Variants in WDR33 observed in about 807,000 individuals in gnomAD.
WDR33 encodes pre-mRNA 3' end processing protein WDR33.
In WDR33, 47 loss-of-function variants were observed where a neutral mutation model predicts 164.9. The ratio of observed to expected loss-of-function variants is 0.29; its 90% CI spans 0.23 to 0.36. The LOEUF (loss-of-function observed/expected upper bound fraction) is 0.36. Ranked by LOEUF, WDR33 falls within the 10% of genes least tolerant of loss-of-function variation. The pLI is 1.00. For synonymous variants in WDR33, 505 were observed against 589.0 expected (o/e 0.86, Z 2.06); for missense variants, 1,137 against 1,754.1 (o/e 0.65, Z 6.28).
Position 127,763,570 on chromosome 2 carries a change from T to C in WDR33, c.627-411A>G. 9.9e-7 allele frequency: 1 copy of C among 1,007,264 alleles called. No individual in the cohort carries two copies. Among genetic ancestry groups the C allele is most frequent in the African/African-American group, 1.7e-5 (1 of 57,816 alleles). The allele number at this position is 1,007,264 out of a possible 1,614,324, so 62.4% of individuals were successfully genotyped here. ...CCCAAAATTATCATCAGCTTCTGCC[T>C]CAGACACTTCATGAAATAAGCTGAA... On this transcript the variant is annotated intron_variant, in intron 6 of 21. Coordinates refer to ENST00000322313, the MANE Select transcript of WDR33 (RefSeq NM_018383.5). The surrounding 1 kb of genome is among the most constrained non-coding windows in gnomAD (Gnocchi z 4.5).
chr2:127,719,343 A>G lies in WDR33; in HGVS notation c.2682T>C (p.His894=), dbSNP rs1686371345. 6.6e-7 allele frequency: 1 copy of G among 1,508,048 alleles called. No individual in the cohort carries two copies. The highest frequency in any genetic ancestry group is 8.9e-7 in the Non-Finnish European group (1 of 1,129,536). 93.4% of individuals were successfully genotyped at this position (1,508,048 alleles called of 1,614,324 possible). The change falls in exon 16 of 22, where the codon CAT becomes CAC. Residue 894 remains histidine (H), a synonymous_variant. Transcript: ENST00000322313. This position sits in a 1 kb window ranked among gnomAD's most constrained non-coding sequence, Gnocchi z 6.5. ...GGAATGGTATTGGCCCTTGAGATGG[A>G]TGTGGCCCTCTTGCTGGGTTCTGCT... ...QGQQNPARGP[H]PSQGPIPFQQ... is the part of the protein sequence containing the mutation.
chr2:127,756,894 G>A (rs1227145176), intron 7 of WDR33, among the ~76,000 whole-genome samples: 1 of 151,950 alleles, frequency 6.6e-6, no homozygotes, highest in Non-Finnish European at 1.5e-5. Context: ...TGTCCAACAT[G>A]GTGAAAGCCC....
In WDR33 at chr2:127,723,193, C is replaced by G. The variant is rs1686483820; in HGVS notation, c.1291+60G>C. On this transcript the variant is annotated intron_variant, in intron 12 of 21. Transcript: ENST00000322313. The surrounding 1 kb of genome is among the most constrained non-coding windows in gnomAD (Gnocchi z 5.9). ...TCATTTTGTATAATCTTCCCAACAT[C>G]TAACACTTCTGTAATAGAATACCAG... 6.6e-7 allele frequency: 1 copy of G among 1,517,226 alleles called. No homozygotes were observed. 94.0% of individuals were successfully genotyped at this position (1,517,226 alleles called of 1,614,324 possible). A position where few individuals can be genotyped will look rare whatever the true frequency, so the allele number is the denominator to read the frequency against.
chr2:127,713,565 A>G lies in WDR33; in HGVS notation c.3308+18T>C, dbSNP rs369208753. The G allele has an allele frequency of 6.2e-6, 10 of 1,612,836 alleles. No homozygotes were observed. In the African/African-American group the frequency reaches 1.3e-4, roughly 22 times the overall value. On this transcript the variant is annotated intron_variant, in intron 18 of 21. Coordinates refer to ENST00000322313, the MANE Select transcript of WDR33 (RefSeq NM_018383.5). The surrounding 1 kb of genome is among the most constrained non-coding windows in gnomAD (Gnocchi z 6.2). Reference sequence around the variant, plus strand: ...GCTCCACTGAAGATGGAATGGGCCCACAAAGTATCTGTCCCACCTTTCTTC... The same window carrying G: ...GCTCCACTGAAGATGGAATGGGCCCGCAAAGTATCTGTCCCACCTTTCTTC...
At chr2:127,749,615 T>C (rs199700292) in intron 7 of WDR33, among the ~76,000 whole-genome samples, 2 of 150,078 alleles carry the variant, frequency 1.3e-5, no homozygotes, top group Non-Finnish European at 3.0e-5. Flanking sequence ...TGAGCTGAGA[T>C]TGTGCCACTA....
chr2:127,790,208 G>A (rs550221437), intron 1 of WDR33, among the ~76,000 whole-genome samples: 1 of 152,134 alleles, frequency 6.6e-6, no homozygotes, highest in Non-Finnish European at 1.5e-5. Context: ...ATGATCATAT[G>A]GTTTTCCTTA....
chr2:127,809,245 G>A (rs1689552028), intron 1 of WDR33, among the ~76,000 whole-genome samples: 2 of 151,874 alleles, frequency 1.3e-5, no homozygotes, highest in Admixed American at 6.6e-5. Context: ...AGAGAGCTCT[G>A]AATAAATACC....
intron 1 of WDR33, among the ~76,000 whole-genome samples, chr2:127,798,440 C>G (rs1033335898): frequency 4.7e-5 from 7 of 148,042 alleles, no homozygotes; most frequent in Non-Finnish European, 7.5e-5. Flanking sequence ...CAATCATTCC[C>G]AAAGGAACAA....
At chr2:127,766,509 T>G (rs979022233) in intron 4 of WDR33, among the ~76,000 whole-genome samples, 2 of 152,176 alleles carry the variant, frequency 1.3e-5, no homozygotes, top group African/African-American at 2.4e-5. Context: ...CCCACAGTCT[T>G]TATACCTTAA....
Position 127,723,169 on chromosome 2 carries a change from C to A in WDR33, c.1291+84G>T. 3 of 1,449,956 alleles carry A rather than the reference C, an allele frequency of 2.1e-6. No homozygotes were observed. The highest frequency in any genetic ancestry group is 2.8e-6 in the Non-Finnish European group (3 of 1,062,002). The allele number at this position is 1,449,956 out of a possible 1,614,324, so 89.8% of individuals were successfully genotyped here. On this transcript the variant is annotated intron_variant, in intron 12 of 21. Coordinates refer to ENST00000322313, the MANE Select transcript of WDR33 (RefSeq NM_018383.5). The surrounding 1 kb of genome is among the most constrained non-coding windows in gnomAD (Gnocchi z 5.9). Reference sequence around the variant, plus strand: ...ATAAATCTACTATAAAATTAAAATTCATTTTGTATAATCTTCCCAACATCT... The same window carrying A: ...ATAAATCTACTATAAAATTAAAATTAATTTTGTATAATCTTCCCAACATCT...
intron 1 of WDR33, among the ~76,000 whole-genome samples, chr2:127,805,832 T>G (rs1206318987): frequency 6.6e-6 from 1 of 152,154 alleles, no homozygotes; most frequent in Non-Finnish European, 1.5e-5. Flanking sequence ...GACCCTTGAT[T>G]TCATTCGTAT....
intron 7 of WDR33, among the ~76,000 whole-genome samples, chr2:127,740,548 A>G (rs1368424029): frequency 1.3e-5 from 2 of 152,238 alleles, no homozygotes; most frequent in Non-Finnish European, 2.9e-5. Context: ...TGTCTCTAAA[A>G]AAGAAAAGAG....
intron 18 of WDR33, among the ~76,000 whole-genome samples, chr2:127,711,780 A>ATATATATATATATATATAT: frequency 1.1e-5 from 1 of 88,316 alleles, no homozygotes; most frequent in Non-Finnish European, 2.0e-5. Flanking sequence ...ATATATATAT[A>ATATATATATATATATATAT]TTTTTTTTTT....
chr2:127,710,112 G>C lies in WDR33; in HGVS notation c.3309-256C>G, dbSNP rs1477172850. ...CTTTTAGGCTTTTAGGTATATACAA[G>C]TATTACTTCATTTCATTCATTTCAT... On this transcript the variant is annotated intron_variant, in intron 18 of 21. Transcript: ENST00000322313. This position sits in a 1 kb window ranked among gnomAD's most constrained non-coding sequence, Gnocchi z 4.4. Among the ~76,000 whole-genome samples the C allele has an allele frequency of 6.6e-6, 1 of 152,194 alleles. No individual in the cohort carries two copies. Among genetic ancestry groups the C allele is most frequent in the Non-Finnish European group, 1.5e-5 (1 of 68,034 alleles).
intron 1 of WDR33, among the ~76,000 whole-genome samples, chr2:127,788,518 G>C: frequency 8.2e-6 from 1 of 121,760 alleles, no homozygotes; most frequent in East Asian, 2.6e-4. Context: ...GGCCGGGTGG[G>C]GGGGCTGACC....
chr2:127,753,887 T>A (rs571992499), intron 7 of WDR33, among the ~76,000 whole-genome samples: 2 of 152,156 alleles, frequency 1.3e-5, no homozygotes, highest in South Asian at 4.2e-4. Context: ...GAAAAATAAC[T>A]TAATGAAAGT....
chr2:127,793,931 T>C (rs1688930825), intron 1 of WDR33, among the ~76,000 whole-genome samples: 1 of 151,878 alleles, frequency 6.6e-6, no homozygotes, highest in Non-Finnish European at 1.5e-5. Context: ...GCTCAGAAGT[T>C]CGAGACCAGC....
intron 1 of WDR33, among the ~76,000 whole-genome samples, chr2:127,790,683 T>C (rs559391710): frequency 6.6e-6 from 1 of 152,252 alleles, no homozygotes; most frequent in East Asian, 1.9e-4. Flanking sequence ...GGACCACAGT[T>C]CACTGCAGCC....
rs1686103584 is a variant in WDR33, at chr2:127,709,585, A to G, written c.3473-3T>C. The G allele has an allele frequency of 6.2e-7, 1 of 1,613,216 alleles. No individual in the cohort carries two copies. The highest frequency in any genetic ancestry group is 1.7e-5 in the Admixed American group (1 of 59,990). On this transcript the variant is annotated splice_polypyrimidine_tract_variant and splice_region_variant and intron_variant, in intron 19 of 21. Transcript: ENST00000322313. This position sits in a 1 kb window ranked among gnomAD's most constrained non-coding sequence, Gnocchi z 5.0. The stretch of plus-strand genomic sequence containing the variant: ...GGGAAGTAAACCCTTCCTTCCTCCT[A>G]CACAACAGAGCAAACAATGCTGCAC...
Sources: gnomAD v4.1 joint callset for allele counts (sites outside exome capture counted in the v4.1 genomes callset) on GRCh38, gnomAD v4.1.1 for gene constraint, Gnocchi (gnomAD v3.1) non-coding constraint, MANE v1.5 for transcripts, NCBI Gene and HGNC (gene_info 2026-07-23, HGNC 2026-07-21) for gene names.